The following SLC25A24 variants were observed in gnomAD, a reference collection of about 807,000 sequenced individuals.
The protein encoded by SLC25A24 is mitochondrial adenyl nucleotide antiporter SLC25A24.
A neutral mutation model predicts 60.7 loss-of-function variants in SLC25A24; 49 were observed. The ratio of observed to expected loss-of-function variants is 0.81; its 90% CI spans 0.64 to 1.02. SLC25A24 has a LOEUF of 1.02. SLC25A24 is among the 50% of genes least tolerant of loss of function. The probability of loss-of-function intolerance (pLI) is 0.00; values close to 1 mark genes in which losing one functional copy is unlikely to be tolerated. For missense variants in SLC25A24, 564 were observed against 586.3 expected (o/e 0.96, Z 0.39); for synonymous variants, 202 against 200.6 (o/e 1.01, Z -0.06).
At chr1:108,162,125 C>G (rs187638999) in intron 3 of SLC25A24, among the ~76,000 whole-genome samples, 2 of 152,122 alleles carry the variant, frequency 1.3e-5, no homozygotes, top group Non-Finnish European at 2.9e-5. Context: ...AAGACATGAA[C>G]TCATCTTTTA....
intron 8 of SLC25A24, among the ~76,000 whole-genome samples, chr1:108,142,091 CATAATAAAAATAAGCT>C (rs879640492): frequency 7.9e-5 from 12 of 152,034 alleles, no homozygotes; most frequent in Non-Finnish European, 1.2e-4. Flanking sequence ...AGAGGACGGC[CATAATAAAAATAAGCT>C]TTTTTAAAAT....
Position 108,151,776 on chromosome 1 carries a change from C to T in SLC25A24, c.822+3207G>A, listed in dbSNP as rs1679764794. Among the ~76,000 whole-genome samples the T allele has an allele frequency of 2.6e-5, 4 of 152,222 alleles. No homozygotes were observed. In the South Asian group the frequency reaches 8.3e-4, roughly 32 times the overall value. On this transcript the variant is annotated intron_variant, in intron 6 of 9. Coordinates refer to ENST00000565488, the MANE Select transcript of SLC25A24 (RefSeq NM_013386.5). The stretch of plus-strand genomic sequence containing the variant: ...ATTGCTTACTGGACAGCTCCCTGTA[C>T]ATGTCCCACACATCTCAAACTCAGC...
At chr1:108,194,002 C>T (rs1457711639) in intron 1 of SLC25A24, among the ~76,000 whole-genome samples, 3 of 139,524 alleles carry the variant, frequency 2.2e-5, no homozygotes, top group Admixed American at 8.1e-5. Context: ...AATAAAAACT[C>T]TCCACTTTTT....
At chr1:108,195,282 G>A (rs1307048962) in intron 1 of SLC25A24, among the ~76,000 whole-genome samples, 1 of 152,192 alleles carries the variant, frequency 6.6e-6, no homozygotes, top group Admixed American at 6.5e-5. Context: ...AGGCAGAGAA[G>A]GGGGAATGAG....
intron 6 of SLC25A24, among the ~76,000 whole-genome samples, chr1:108,151,711 T>C (rs1679762384): frequency 6.6e-6 from 1 of 152,222 alleles, no homozygotes; most frequent in Non-Finnish European, 1.5e-5. Flanking sequence ...ACAACCTCTC[T>C]ATCAAAGATC....
intron 7 of SLC25A24, among the ~76,000 whole-genome samples, chr1:108,144,610 G>A (rs1252409089): frequency 6.6e-6 from 1 of 152,048 alleles, no homozygotes; most frequent in Non-Finnish European, 1.5e-5. Context: ...GCCCCAGTGT[G>A]TGATGTTCCC....
intron 1 of SLC25A24, among the ~76,000 whole-genome samples, chr1:108,197,186 G>A (rs1648522428): frequency 6.6e-6 from 1 of 151,970 alleles, no homozygotes; most frequent in Non-Finnish European, 1.5e-5. Flanking sequence ...CTCTTCCCTG[G>A]ATAATTCTGG....
chr1:108,147,642 G>A (rs1346072546), intron 7 of SLC25A24, among the ~76,000 whole-genome samples: 1 of 152,154 alleles, frequency 6.6e-6, no homozygotes, highest in African/African-American at 2.4e-5. Context: ...ATGAAAGGAT[G>A]TCTAATTAGG....
In SLC25A24 at chr1:108,134,439, T is replaced by C. The variant is rs189734101; in HGVS notation, c.*2214A>G. On this transcript the variant is annotated 3_prime_UTR_variant, in exon 10 of 10. Transcript: ENST00000565488. The stretch of plus-strand genomic sequence containing the variant: ...CCAGTGAATTCAACTTAGAATTTTT[T>C]CCCACAATTTCAAGACAAACTGATA... 3 of 152,328 alleles carry C rather than the reference T, an allele frequency of 2.0e-5. No homozygotes were observed. Among genetic ancestry groups the C allele is most frequent in the African/African-American group, 7.2e-5 (3 of 41,564 alleles). The allele number at this position is 152,328 out of a possible 1,614,324, so 9.4% of individuals were successfully genotyped here. A position where few individuals can be genotyped will look rare whatever the true frequency, so the allele number is the denominator to read the frequency against.
intron 2 of SLC25A24, among the ~76,000 whole-genome samples, chr1:108,182,341 A>G (rs1162678592): frequency 2.6e-5 from 4 of 152,236 alleles, no homozygotes; most frequent in African/African-American, 9.6e-5. Context: ...GAAGTAGCAG[A>G]ACTAAAATCC....
intron 3 of SLC25A24, among the ~76,000 whole-genome samples, chr1:108,177,029 C>T (rs1381875680): frequency 6.6e-6 from 1 of 151,996 alleles, no homozygotes; most frequent in African/African-American, 2.4e-5. Flanking sequence ...AAAGAGAAAA[C>T]TATTAAAAGT....
chr1:108,137,953 G>T (rs1041474520), intron 9 of SLC25A24, among the ~76,000 whole-genome samples: 2 of 152,264 alleles, frequency 1.3e-5, no homozygotes, highest in East Asian at 3.9e-4. Flanking sequence ...ACACCATGTT[G>T]GTGCCTGCCT....
Position 108,139,215 on chromosome 1 carries a change from G to A in SLC25A24, c.1099-7C>T. 1 of 1,580,144 alleles carries A rather than the reference G, an allele frequency of 6.3e-7. No individual in the cohort carries two copies. Among genetic ancestry groups the A allele is most frequent in the South Asian group, 1.2e-5 (1 of 84,486 alleles). ...GCCAATAGGACTTCAAGAGCTGCCA[G>A]AGAAATAAAGAAGAAAATAATTAAC... On this transcript the variant is annotated splice_polypyrimidine_tract_variant and splice_region_variant and intron_variant, in intron 8 of 9. Coordinates refer to ENST00000565488, the MANE Select transcript of SLC25A24 (RefSeq NM_013386.5).
intron 8 of SLC25A24, among the ~76,000 whole-genome samples, chr1:108,142,607 G>A (rs1679472414): frequency 1.3e-5 from 2 of 152,100 alleles, no homozygotes; most frequent in Admixed American, 1.3e-4. Flanking sequence ...GGTTACCAAA[G>A]GTTTGAGTTA....
chr1:108,171,068 T>C (rs1647443797), intron 3 of SLC25A24, among the ~76,000 whole-genome samples: 1 of 152,172 alleles, frequency 6.6e-6, no homozygotes, highest in African/African-American at 2.4e-5. Context: ...TTTCTAATTA[T>C]CTCATTCTTT....
Position 108,199,984 on chromosome 1 carries a change from C to G in SLC25A24, c.155G>C (p.Gly52Ala). 1 of 1,610,726 alleles carries G rather than the reference C, an allele frequency of 6.2e-7. No individual in the cohort carries two copies. Among genetic ancestry groups the G allele is most frequent in the African/African-American group, 1.3e-5 (1 of 74,996 alleles). ...CTCGGCGTCCTGGCCCAGAGGGATG[C>G]CCAGGTTCCTGAGCCCCTCCTGCAG... ...GELQEGLRNLGIPLGQDAEEK... is the reference protein window; with the variant it reads ...GELQEGLRNLAIPLGQDAEEK... Residue 52 changes from glycine (G) to alanine (A), a missense_variant, in exon 1 of 10, where the codon GGC (glycine) becomes GCC (alanine). Gly to Ala is a moderately conservative substitution (Grantham distance 60, BLOSUM62 0). Transcript: ENST00000565488.
intron 6 of SLC25A24, among the ~76,000 whole-genome samples, chr1:108,149,779 A>C (rs1679708539): frequency 6.6e-6 from 1 of 152,182 alleles, no homozygotes; most frequent in Non-Finnish European, 1.5e-5. Flanking sequence ...GGACTTCTCC[A>C]GGGATCCTTC....
rs925602256 is a variant in SLC25A24 at position 108,173,454 on chromosome 1, C to A, written c.398+8487G>T. 2.8e-4 allele frequency among the ~76,000 whole-genome samples: 43 copies of A among 152,156 alleles called. 1 individual carries two copies. The highest frequency in any genetic ancestry group is 1.2e-4 in the Non-Finnish European group (8 of 68,016). ...TGGCTGTAAGTTATCTGAGGCCTCC[C>A]CAGCCACGCGAAACTGTGAGTCAAT... On this transcript the variant is annotated intron_variant, in intron 3 of 9. Transcript: ENST00000565488.
At chr1:108,144,035 C>G (rs1374732629) in intron 7 of SLC25A24, among the ~76,000 whole-genome samples, 1 of 152,052 alleles carries the variant, frequency 6.6e-6, no homozygotes, top group African/African-American at 2.4e-5. Flanking sequence ...AAAGGATAAC[C>G]CCAATACTTC....
Sources: allele counts gnomAD v4.1 joint callset (sites outside exome capture counted in the v4.1 genomes callset), GRCh38; gene constraint gnomAD v4.1.1; transcripts MANE v1.5; gene names NCBI Gene and HGNC (gene_info 2026-07-23, HGNC 2026-07-21).